TMX3: variants seen among roughly 807,000 people sequenced by gnomAD.
The protein encoded by TMX3 is protein disulfide-isomerase TMX3.
In TMX3, 40 loss-of-function variants were observed where a neutral mutation model predicts 64.4. The ratio of observed to expected loss-of-function variants is 0.62; its 90% CI spans 0.48 to 0.81. The LOEUF (loss-of-function observed/expected upper bound fraction) is 0.81, where lower values mean the gene tolerates loss of function less well. TMX3 is among the 30% of genes least tolerant of loss of function. The pLI, the probability that TMX3 is intolerant of heterozygous loss-of-function variation, is 0.00. For synonymous variants in TMX3, 189 were observed against 175.7 expected (o/e 1.08, Z -0.60); for missense variants, 497 against 534.5 (o/e 0.93, Z 0.69).
intron 8 of TMX3, among the ~76,000 whole-genome samples, chr18:68,693,977 G>A (rs1257498866): frequency 1.3e-5 from 2 of 152,132 alleles, no homozygotes; most frequent in Non-Finnish European, 2.9e-5. Flanking sequence ...AGACTTGTCC[G>A]GATGACCTGC....
chr18:68,704,512 T>G (rs1183657260), intron 4 of TMX3, among the ~76,000 whole-genome samples: 1 of 152,160 alleles, frequency 6.6e-6, no homozygotes, highest in Non-Finnish European at 1.5e-5. Context: ...GTAATTCAGA[T>G]TAAGAAACTA....
chr18:68,699,297 A>G (rs1915442271), intron 6 of TMX3, among the ~76,000 whole-genome samples: 1 of 152,178 alleles, frequency 6.6e-6, no homozygotes, highest in Non-Finnish European at 1.5e-5. Context: ...TCCCTTCTTA[A>G]GCCTAAACCA....
In TMX3 at chr18:68,674,512, T is replaced by C. The variant is rs1599287971; in HGVS notation, c.*2421A>G. 3.3e-5 allele frequency: 5 copies of C among 152,128 alleles called. No homozygotes were observed. The South Asian group carries it at 1.0e-3, about 32-fold the overall frequency. The allele number at this position is 152,128 out of a possible 1,614,324, so 9.4% of individuals were successfully genotyped here. ...GAAGGACCCCATTATTCATATAGAA[T>C]CATGACAAAATTTACCATGGAATTA... On this transcript the variant is annotated 3_prime_UTR_variant, in exon 16 of 16. Transcript: ENST00000299608.
chr18:68,692,426 T>G (rs1339503956), intron 8 of TMX3, among the ~76,000 whole-genome samples: 1 of 152,224 alleles, frequency 6.6e-6, no homozygotes, highest in African/African-American at 2.4e-5. Context: ...ACAGTCTGCA[T>G]GTCAATCTCC....
chr18:68,686,481 C>T (rs1351396551), intron 10 of TMX3, among the ~76,000 whole-genome samples: 2 of 152,092 alleles, frequency 1.3e-5, no homozygotes, highest in Non-Finnish European at 1.5e-5. Context: ...GAGGCCAAGG[C>T]GTGCGGATCA....
rs374371515 is a variant in TMX3 at position 68,681,266 on chromosome 18, C to T, written c.906-156G>A. ...AATGATCAAATAGACCTAGTATTTA[C>T]GTGTATTTTATGCATTCATGACATA... On this transcript the variant is annotated intron_variant, in intron 13 of 15. Coordinates refer to ENST00000299608, the MANE Select transcript of TMX3 (RefSeq NM_019022.5). 4.0e-5 allele frequency: 27 copies of T among 669,766 alleles called. No individual in the cohort carries two copies. In the South Asian group the frequency reaches 5.3e-4, roughly 13 times the overall value. 41.5% of individuals were successfully genotyped at this position (669,766 alleles called of 1,614,324 possible).
chr18:68,682,558 G>C (rs1375686048), intron 13 of TMX3, among the ~76,000 whole-genome samples: 2 of 152,020 alleles, frequency 1.3e-5, no homozygotes, highest in African/African-American at 2.4e-5. Context: ...AGAACAATTA[G>C]TTTTTGAATG....
At chr18:68,699,624 C>A (rs1245075496) in intron 6 of TMX3, among the ~76,000 whole-genome samples, 1 of 151,966 alleles carries the variant, frequency 6.6e-6, no homozygotes, top group East Asian at 1.9e-4. Context: ...ATAATATATC[C>A]CATTAAACTC....
At chr18:68,691,686 C>T (rs1474786350) in intron 8 of TMX3, among the ~76,000 whole-genome samples, 1 of 152,164 alleles carries the variant, frequency 6.6e-6, no homozygotes, top group African/African-American at 2.4e-5. Context: ...GATAATGAGC[C>T]ACTTTACCTA....
chr18:68,697,163 A>G, intron 8 of TMX3, 63 bp downstream of exon 8: 2 of 846,262 alleles, frequency 2.4e-6, no homozygotes, highest in Admixed American at 5.7e-5. Context: ...AATTTAGTTT[A>G]TTAAATCAAG....
intron 2 of TMX3, 54 bp from the exon 3 acceptor site, chr18:68,711,457 T>C (rs1666550542): frequency 2.3e-6 from 3 of 1,304,268 alleles, no homozygotes; most frequent in Non-Finnish European, 3.3e-6. Context: ...ACTTTACAAC[T>C]GTATAGTATA....
intron 4 of TMX3, among the ~76,000 whole-genome samples, chr18:68,702,085 T>TAA (rs35194644): frequency 3.0e-5 from 4 of 133,764 alleles, no homozygotes; most frequent in Admixed American, 8.5e-5. Flanking sequence ...GATATACTGG[T>TAA]AAAAAAAATA....
rs781286911 is a variant in TMX3, at chr18:68,697,222, T to C, written c.570+4A>G. 5.3e-6 allele frequency: 8 copies of C among 1,495,740 alleles called. No individual in the cohort carries two copies. The highest frequency in any genetic ancestry group is 2.6e-5 in the South Asian group (2 of 77,366). 92.7% of individuals were successfully genotyped at this position (1,495,740 alleles called of 1,614,324 possible). A position where few individuals can be genotyped will look rare whatever the true frequency, so the allele number is the denominator to read the frequency against. Reference sequence around the variant, plus strand: ...TGTCGTTAAAATCAAATTTTAAATATTACCTCAGGAACCACTTCTTCTGAG... The same window carrying C: ...TGTCGTTAAAATCAAATTTTAAATACTACCTCAGGAACCACTTCTTCTGAG... On this transcript the variant is annotated splice_donor_region_variant and intron_variant, in intron 8 of 15. Transcript: ENST00000299608.
intron 7 of TMX3, chr18:68,697,553 G>T (rs546912836): frequency 2.8e-6 from 1 of 350,880 alleles, no homozygotes. Context: ...CAATTTGTAT[G>T]TATTCATTTA....
intron 14 of TMX3, among the ~76,000 whole-genome samples, 160 bp downstream of exon 14, chr18:68,680,821 C>T (rs1408336225): frequency 6.6e-6 from 1 of 152,172 alleles, no homozygotes; most frequent in Non-Finnish European, 1.5e-5. Context: ...GAATGTACCT[C>T]TACTCTGCCT....
chr18:68,675,928 A>G lies in TMX3; in HGVS notation c.*1005T>C, dbSNP rs1346913224. Reference sequence around the variant, plus strand: ...TAATGTCAGTCGTTACTCCTTATGAAGCAGACACGGACAGGTCTACAGCAT... The same window carrying G: ...TAATGTCAGTCGTTACTCCTTATGAGGCAGACACGGACAGGTCTACAGCAT... On this transcript the variant is annotated 3_prime_UTR_variant, in exon 16 of 16. Transcript: ENST00000299608. 6.6e-6 allele frequency: 1 copy of G among 152,134 alleles called. No homozygotes were observed. The highest frequency in any genetic ancestry group is 1.9e-4 in the East Asian group (1 of 5,192). 9.4% of individuals were successfully genotyped at this position (152,134 alleles called of 1,614,324 possible).
intron 8 of TMX3, among the ~76,000 whole-genome samples, chr18:68,694,111 A>T (rs1914814710): frequency 6.6e-6 from 1 of 152,116 alleles, no homozygotes; most frequent in Non-Finnish European, 1.5e-5. Flanking sequence ...GCGGGACAAG[A>T]ACTTGGGACC....
chr18:68,700,739 C>G, intron 5 of TMX3: 2 of 984,188 alleles, frequency 2.0e-6, no homozygotes, highest in Non-Finnish European at 2.4e-6. Flanking sequence ...TGCATTGTAT[C>G]TACGCCTTCT....
In TMX3 at chr18:68,710,040, C is replaced by A; in HGVS notation, c.246G>T (p.Met82Ile). The part of the protein sequence containing the change: ...SIGSPVKVGK[M>I]DATSYSSIAS... ...GCTTACTAGAATAGGAAGTAGCATC[C>A]ATCTTTCCAACCTTAACTGGAGAAC... Residue 82 changes from methionine to isoleucine, a missense_variant, in exon 4 of 16, where the codon ATG becomes ATT. Coordinates refer to ENST00000299608, the MANE Select transcript of TMX3 (RefSeq NM_019022.5). The A allele has an allele frequency of 6.3e-7, 1 of 1,586,476 alleles. No homozygotes were observed. The highest frequency in any genetic ancestry group is 8.6e-7 in the Non-Finnish European group (1 of 1,167,874).
Sources: gnomAD v4.1 joint callset for allele counts (sites outside exome capture counted in the v4.1 genomes callset) on GRCh38, gnomAD v4.1.1 for gene constraint, MANE v1.5 for transcripts, NCBI Gene and HGNC (gene_info 2026-07-23, HGNC 2026-07-21) for gene names.